The following ZPBP variants were observed in gnomAD, a reference collection of about 807,000 sequenced individuals.
ZPBP encodes zona pellucida binding protein, also known as zona pellucida-binding protein 1.
In ZPBP, 26 loss-of-function variants were observed where a neutral mutation model predicts 44.8. That is an observed-to-expected ratio of 0.58 (90% CI 0.43 to 0.81). The LOEUF is 0.81. ZPBP is among the 30% of genes least tolerant of loss of function. The pLI is 0.00. For missense variants in ZPBP, 409 were observed against 434.0 expected (o/e 0.94, Z 0.51); for synonymous variants, 174 against 153.2 (o/e 1.14, Z -1.00).
the ZPBP span, among the ~76,000 whole-genome samples, chr7:49,845,254 C>A: frequency 2.0e-5 from 3 of 151,268 alleles, no homozygotes; most frequent in Non-Finnish European, 4.4e-5. Flanking sequence ...AACAAACCTG[C>A]ATACACTGCA....
Position 50,081,916 on chromosome 7 carries a change from T to G in ZPBP, c.209-17A>C, listed in dbSNP as rs574070663. On this transcript the variant is annotated splice_polypyrimidine_tract_variant and intron_variant, in intron 2 of 7. Coordinates refer to ENST00000046087, the MANE Select transcript of ZPBP (RefSeq NM_007009.3). Reference sequence around the variant, plus strand: ...ACGCTTTCACTGAAAATACAATATTTAAAATGTTCCAATAGTATTTTATCT... The same window carrying G: ...ACGCTTTCACTGAAAATACAATATTGAAAATGTTCCAATAGTATTTTATCT... 57 of 1,608,996 alleles carry G rather than the reference T, an allele frequency of 3.5e-5. No individual in the cohort carries two copies. In the East Asian group the frequency reaches 1.0e-3, roughly 28 times the overall value.
intron 4 of ZPBP, among the ~76,000 whole-genome samples, chr7:50,033,699 T>TTTATTTAC (rs1440896937): frequency 8.6e-5 from 13 of 151,952 alleles, no homozygotes; most frequent in Non-Finnish European, 1.8e-4. Context: ...TATTTATTTA[T>TTTATTTAC]TTATTTATTT....
chr7:49,992,953 T>C (rs555949988), intron 6 of ZPBP, among the ~76,000 whole-genome samples: 50 of 152,136 alleles, frequency 3.3e-4, no homozygotes, highest in African/African-American at 1.1e-3. Context: ...ATAAAAGGAA[T>C]AGAACTAAAA....
chr7:50,044,853 CA>C (rs1419387751), intron 4 of ZPBP, among the ~76,000 whole-genome samples: 1 of 151,896 alleles, frequency 6.6e-6, no homozygotes, highest in African/African-American at 2.4e-5. Context: ...CTGGCAGAGA[CA>C]AAAAAAGAAC....
intron 7 of ZPBP, among the ~76,000 whole-genome samples, chr7:49,968,782 T>C (rs1342291627): frequency 6.6e-6 from 1 of 151,962 alleles, no homozygotes; most frequent in Non-Finnish European, 1.5e-5. Context: ...TAATTATTAA[T>C]AATTACTGTT....
chr7:50,078,468 T>G (rs755910239), intron 3 of ZPBP, among the ~76,000 whole-genome samples: 6 of 151,640 alleles, frequency 4.0e-5, no homozygotes, highest in Non-Finnish European at 8.9e-5. Context: ...ATGTGCTTAT[T>G]TCACATTAAC....
At chr7:49,912,158 C>T (rs148276137) in intron 1 of ZPBP, 146 of 1,613,950 alleles carry the variant, frequency 9.0e-5, no homozygotes, top group South Asian at 3.5e-4. Flanking sequence ...AGGCCATGTG[C>T]ACGAGACATG....
intron 7 of ZPBP, among the ~76,000 whole-genome samples, chr7:49,960,693 G>A (rs1010996896): frequency 3.9e-5 from 6 of 151,970 alleles, no homozygotes; most frequent in African/African-American, 7.3e-5. Flanking sequence ...AAAGATAGTC[G>A]AACAAAGTAT....
intron 2 of ZPBP, among the ~76,000 whole-genome samples, chr7:49,878,157 C>T (rs1243685125): frequency 6.6e-6 from 1 of 152,086 alleles, no homozygotes; most frequent in Non-Finnish European, 1.5e-5. Flanking sequence ...CACACTCAGG[C>T]TTCAGATCAC....
rs376730870 is a variant in ZPBP at position 49,977,101 on chromosome 7, CTAAATAAA to C, written c.961+6233_961+6240del. Among the ~76,000 whole-genome samples, 93 of 138,538 alleles carry C rather than the reference CTAAATAAA, an allele frequency of 6.7e-4. 2 individuals carry two copies. Among genetic ancestry groups the C allele is most frequent in the African/African-American group, 1.9e-3 (68 of 36,064 alleles). The allele number at this position is 138,538 out of a possible 152,430, so 90.9% of individuals were successfully genotyped here. A position where few individuals can be genotyped will look rare whatever the true frequency, so the allele number is the denominator to read the frequency against. ...TGGGCGACAGAGCAAGACTCCGTCTCTAAATAAATAAATAAATAAATAAATAAATAAAT... is the reference window on the plus strand; with the variant it reads ...TGGGCGACAGAGCAAGACTCCGTCTCTAAATAAATAAATAAATAAATAAAT... On this transcript the variant is annotated intron_variant, in intron 7 of 7. Coordinates refer to ENST00000046087, the MANE Select transcript of ZPBP (RefSeq NM_007009.3).
intron 2 of ZPBP, among the ~76,000 whole-genome samples, chr7:49,893,649 T>TTTA (rs1554340898): frequency 1.3e-5 from 2 of 149,590 alleles, no homozygotes; most frequent in Non-Finnish European, 1.5e-5. Flanking sequence ...TTTTTTTTTT[T>TTTA]ATCCTTTTGA....
chr7:50,050,766 A>G (rs899879039), intron 4 of ZPBP, among the ~76,000 whole-genome samples: 1 of 136,544 alleles, frequency 7.3e-6, no homozygotes, highest in Admixed American at 8.0e-5. Context: ...TCCAGCCTGG[A>G]CGACAGAGCG....
At chr7:49,916,857 C>A (rs1434066370) in intron 1 of ZPBP, 1 of 152,148 alleles carries the variant, frequency 6.6e-6, no homozygotes, top group Non-Finnish European at 1.5e-5. Flanking sequence ...CCAAATACCC[C>A]ATGGTAGTTT....
chr7:49,899,838 A>G (rs1055964771), intron 2 of ZPBP, among the ~76,000 whole-genome samples: 1 of 151,990 alleles, frequency 6.6e-6, no homozygotes, highest in Non-Finnish European at 1.5e-5. Flanking sequence ...ATTGACATCT[A>G]TTGACTACTT....
intron 1 of ZPBP, among the ~76,000 whole-genome samples, chr7:49,905,019 C>T (rs1420555619): frequency 1.3e-5 from 2 of 152,102 alleles, no homozygotes. Flanking sequence ...GAGGTGTGAG[C>T]CATCGTGCCA....
At chr7:49,856,365 G>C (rs1203408729) in intron 2 of ZPBP, among the ~76,000 whole-genome samples, 1 of 152,164 alleles carries the variant, frequency 6.6e-6, no homozygotes, top group Non-Finnish European at 1.5e-5. Flanking sequence ...CTCTTTCAAC[G>C]TGATATACTG....
intron 4 of ZPBP, among the ~76,000 whole-genome samples, chr7:50,051,476 A>G (rs982974912): frequency 2.6e-5 from 4 of 152,210 alleles, no homozygotes; most frequent in South Asian, 4.1e-4. Flanking sequence ...ACGAGGATAC[A>G]TGCACTGATA....
chr7:49,989,583 T>C (rs1797470223), intron 6 of ZPBP, among the ~76,000 whole-genome samples: 2 of 152,196 alleles, frequency 1.3e-5, no homozygotes, highest in African/African-American at 4.8e-5. Flanking sequence ...AAATGAGGAC[T>C]AGAGAGAGAG....
intron 7 of ZPBP, among the ~76,000 whole-genome samples, chr7:49,964,708 CTTTTT>C (rs1018876635): frequency 6.6e-6 from 1 of 152,094 alleles, no homozygotes; most frequent in African/African-American, 2.4e-5. Flanking sequence ...ATGCAAAGGA[CTTTTT>C]GCCAAATGGC....
Sources: allele counts gnomAD v4.1 joint callset (sites outside exome capture counted in the v4.1 genomes callset), GRCh38; gene constraint gnomAD v4.1.1; transcripts MANE v1.5; gene names NCBI Gene and HGNC (gene_info 2026-07-23, HGNC 2026-07-21).